Variants in EFCAB13 observed in about 807,000 individuals in gnomAD.
EFCAB13 encodes the protein EF-hand calcium binding domain 13.
In EFCAB13, 91 loss-of-function variants were observed where a neutral mutation model predicts 110.2. The observed-to-expected ratio is 0.83, with a 90% confidence interval of 0.70 to 0.98. The LOEUF (loss-of-function observed/expected upper bound fraction) is 0.98, where lower values mean the gene tolerates loss of function less well. EFCAB13 is among the 50% of genes least tolerant of loss of function. The probability of loss-of-function intolerance (pLI) is 0.00; values close to 1 mark genes in which losing one functional copy is unlikely to be tolerated. For missense variants in EFCAB13, 968 were observed against 1,119.4 expected (o/e 0.86, Z 1.93); for synonymous variants, 323 against 369.9 (o/e 0.87, Z 1.45).
At position 47,327,399 on chromosome 17, in the gene EFCAB13, G is replaced by A. The variant is rs569540652; in HGVS notation, c.-85-870G>A. On this transcript the variant is annotated intron_variant, in intron 3 of 24. Coordinates refer to ENST00000331493, the MANE Select transcript of EFCAB13 (RefSeq NM_152347.5). ...AGGCTGGTCTTGAACTCCTGACCTC[G>A]TGATCCACCTGCCTTGGCCTCTCAA... 8.6e-4 allele frequency among the ~76,000 whole-genome samples: 130 copies of A among 151,918 alleles called. 1 individual carries two copies. Among genetic ancestry groups the A allele is most frequent in the South Asian group, 7.5e-3 (36 of 4,806 alleles).
chr17:47,367,884 A>G (rs1160221429), intron 10 of EFCAB13, among the ~76,000 whole-genome samples: 2 of 152,186 alleles, frequency 1.3e-5, no homozygotes, highest in Admixed American at 1.3e-4. Context: ...AAAGTTTTCC[A>G]GATTTCTGAG....
intron 3 of EFCAB13, 37 bp from the exon 4 acceptor site, chr17:47,328,232 A>G: frequency 2.3e-6 from 2 of 876,542 alleles, no homozygotes; most frequent in South Asian, 2.8e-5. Context: ...AGTGTTCTAA[A>G]CAAGCGTATG....
chr17:47,440,289 C>T, intron 24 of EFCAB13, 142 bp from the exon 25 acceptor site: 1 of 709,772 alleles, frequency 1.4e-6, no homozygotes, highest in African/African-American at 1.8e-5. Flanking sequence ...CATATGCATG[C>T]AAGAGGTAAG....
chr17:47,426,500 C>T (rs1052369486), intron 23 of EFCAB13, among the ~76,000 whole-genome samples: 25 of 152,270 alleles, frequency 1.6e-4, no homozygotes, highest in African/African-American at 5.5e-4. Context: ...AAAGAGCAAA[C>T]ACTGGGGATC....
chr17:47,371,576 G>C (rs1203073441), intron 11 of EFCAB13, among the ~76,000 whole-genome samples: 2 of 152,018 alleles, frequency 1.3e-5, no homozygotes, highest in Non-Finnish European at 2.9e-5. Context: ...GTAAATATGT[G>C]ACTTTATTTC....
intron 21 of EFCAB13, among the ~76,000 whole-genome samples, chr17:47,412,431 G>T (rs2065840975): frequency 1.3e-5 from 2 of 152,178 alleles, no homozygotes; most frequent in African/African-American, 4.8e-5. Context: ...TCAAATTTTA[G>T]CCTTTGTTTA....
At chr17:47,397,933 C>G (rs1489912288) in intron 17 of EFCAB13, among the ~76,000 whole-genome samples, 2 of 151,134 alleles carry the variant, frequency 1.3e-5, no homozygotes, top group South Asian at 2.1e-4. Flanking sequence ...GGTCAGCCCC[C>G]GCTAGGCCAG....
intron 14 of EFCAB13, among the ~76,000 whole-genome samples, chr17:47,380,570 AT>A (rs992648723): frequency 6.6e-6 from 1 of 152,318 alleles, no homozygotes; most frequent in South Asian, 2.1e-4. Flanking sequence ...TAGTAGAATG[AT>A]TTATAATCCT....
At chr17:47,424,594 G>T (rs375400790) in intron 23 of EFCAB13, among the ~76,000 whole-genome samples, 2 of 152,018 alleles carry the variant, frequency 1.3e-5, no homozygotes, top group South Asian at 2.1e-4. Flanking sequence ...GAAAATTCAC[G>T]GAGGGCTTCT....
At chr17:47,344,428 T>C in intron 7 of EFCAB13, 136 bp downstream of exon 7, 1 of 1,106,734 alleles carries the variant, frequency 9.0e-7, no homozygotes, top group Non-Finnish European at 1.3e-6. Flanking sequence ...TGTGTAGAGA[T>C]AAGAGCACTG....
intron 20 of EFCAB13, among the ~76,000 whole-genome samples, chr17:47,407,939 T>C (rs1028793102): frequency 1.3e-5 from 2 of 152,190 alleles, no homozygotes; most frequent in African/African-American, 4.8e-5. Flanking sequence ...CTGTAGACCA[T>C]ATTCAGGTCT....
intron 24 of EFCAB13, among the ~76,000 whole-genome samples, chr17:47,434,948 A>G (rs1400397830): frequency 6.6e-6 from 1 of 152,188 alleles, no homozygotes; most frequent in East Asian, 1.9e-4. Context: ...AGAATATAAC[A>G]TTAGAAAAAC....
At chr17:47,362,217 A>G (rs1899859274) in intron 10 of EFCAB13, among the ~76,000 whole-genome samples, 1 of 152,120 alleles carries the variant, frequency 6.6e-6, no homozygotes, top group East Asian at 1.9e-4. Context: ...GTTTGTAGCA[A>G]TTACTCTTTA....
chr17:47,344,257 T>G lies in EFCAB13; in HGVS notation c.399T>G (p.Thr133=), dbSNP rs1302910086. ...CGAATCAGTACAGCGTTCACAAGAC[T>G]TCATCACCTCTTTGTACATCTTCTG... The part of the protein sequence containing the change: ...KLPNQYSVHK[T]SSPLCTSSAI... The change falls in exon 7 of 25, where the codon ACT becomes ACG. Residue 133 remains threonine, a synonymous_variant. Coordinates refer to ENST00000331493, the MANE Select transcript of EFCAB13 (RefSeq NM_152347.5). 4 of 1,612,812 alleles carry G rather than the reference T, an allele frequency of 2.5e-6. No individual in the cohort carries two copies. The highest frequency in any genetic ancestry group is 3.4e-6 in the Non-Finnish European group (4 of 1,179,102).
In EFCAB13 at chr17:47,440,822, C is replaced by G; in HGVS notation, c.*108C>G. On this transcript the variant is annotated 3_prime_UTR_variant, in exon 25 of 25. Coordinates refer to ENST00000331493, the MANE Select transcript of EFCAB13 (RefSeq NM_152347.5). ...ATAATTTTTAAAACTTTTGACAAAT[C>G]CAGTAGAATTTTTATCACTATCTGT... 4 of 966,936 alleles carry G rather than the reference C, an allele frequency of 4.1e-6. No homozygotes were observed. The highest frequency in any genetic ancestry group is 5.8e-6 in the Non-Finnish European group (4 of 686,288). 59.9% of individuals were successfully genotyped at this position (966,936 alleles called of 1,614,324 possible).
At chr17:47,368,158 T>C (rs1037712505) in intron 10 of EFCAB13, among the ~76,000 whole-genome samples, 2 of 152,166 alleles carry the variant, frequency 1.3e-5, no homozygotes, top group African/African-American at 2.4e-5. Flanking sequence ...ATAGAAAATA[T>C]AATCTTTTTT....
intron 24 of EFCAB13, among the ~76,000 whole-genome samples, chr17:47,436,973 A>G (rs2143529076): frequency 6.6e-6 from 1 of 152,152 alleles, no homozygotes; most frequent in African/African-American, 2.4e-5. Context: ...ATGGTCATTC[A>G]GTTCAAAGAA....
intron 14 of EFCAB13, among the ~76,000 whole-genome samples, chr17:47,384,145 G>GTTTT (rs759808835): frequency 7.8e-6 from 1 of 128,874 alleles, no homozygotes; most frequent in Non-Finnish European, 1.6e-5. Context: ...GCAACCCCCA[G>GTTTT]TTTTTTTTTT....
intron 11 of EFCAB13, among the ~76,000 whole-genome samples, chr17:47,371,158 A>AT (rs2143350429): frequency 1.4e-5 from 2 of 144,282 alleles, no homozygotes; most frequent in African/African-American, 5.2e-5. Flanking sequence ...GTTTGCAAAT[A>AT]TTTTCTCCCA....
Sources: gnomAD v4.1 joint callset for allele counts (sites outside exome capture counted in the v4.1 genomes callset) on GRCh38, gnomAD v4.1.1 for gene constraint, MANE v1.5 for transcripts, NCBI Gene and HGNC (gene_info 2026-07-23, HGNC 2026-07-21) for gene names.